Variants in CLK2 observed in about 807,000 individuals in gnomAD.
The protein encoded by CLK2 is CDC like kinase 2.
CLK2 carries 12 observed loss-of-function variants against 73.5 expected under a neutral mutation model. The observed-to-expected ratio is 0.16, with a 90% CI of 0.10 to 0.26. The LOEUF (loss-of-function observed/expected upper bound fraction) is 0.26, where lower values mean the gene tolerates loss of function less well. Among genes scored for constraint, CLK2 ranks in the 10% least tolerant of loss-of-function variants. The pLI, the probability that CLK2 is intolerant of heterozygous loss-of-function variation, is 1.00. For synonymous variants in CLK2, 232 were observed against 237.9 expected (o/e 0.98, Z 0.23); for missense variants, 509 against 688.4 (o/e 0.74, Z 2.92).
chr1:155,264,057 G>C lies in CLK2; in HGVS notation c.1227-17C>G, dbSNP rs200371126. 8.1e-6 allele frequency: 13 copies of C among 1,606,756 alleles called. No homozygotes were observed. In the East Asian group the frequency reaches 2.7e-4, roughly 33 times the overall value. On this transcript the variant is annotated splice_polypyrimidine_tract_variant and intron_variant, in intron 11 of 12. Coordinates refer to ENST00000368361, the MANE Select transcript of CLK2 (RefSeq NM_001294338.2). Reference sequence around the variant, plus strand: ...TTCTGCTTTCTAGAGGGGAAGGGGAGGTTGAGGAATCAGAAGGTCACCCTT... The same window carrying C: ...TTCTGCTTTCTAGAGGGGAAGGGGACGTTGAGGAATCAGAAGGTCACCCTT...
At position 155,264,556 on chromosome 1, in the gene CLK2, T is replaced by C. The variant is rs751618842; in HGVS notation, c.1064-6A>G. The C allele has an allele frequency of 4.3e-6, 7 of 1,614,186 alleles. No individual in the cohort carries two copies. The East Asian group carries it at 1.6e-4, about 36-fold the overall frequency. ...AGGCTGTGACCAGCCCAACTCTGGG[T>C]GAGAATGGGAGGGAAAAGGTGTTAT... is the stretch of plus-strand genomic sequence containing the variant. On this transcript the variant is annotated splice_polypyrimidine_tract_variant and splice_region_variant and intron_variant, in intron 9 of 12. Coordinates refer to ENST00000368361, the MANE Select transcript of CLK2 (RefSeq NM_001294338.2).
Position 155,270,833 on chromosome 1 carries a change from C to T in CLK2, c.145G>A (p.Asp49Asn), listed in dbSNP as rs753573218. 3 of 1,611,836 alleles carry T rather than the reference C, an allele frequency of 1.9e-6. No homozygotes were observed. The highest frequency in any genetic ancestry group is 2.5e-6 in the Non-Finnish European group (3 of 1,178,130). Residue 49 changes from aspartate to asparagine, a missense_variant, in exon 2 of 13, where the codon GAC becomes AAC. Around this residue, in one of 6 missense-constraint regions of CLK2, gnomAD observed 222 missense variants for 221.7 expected, o/e 1.00. Coordinates refer to ENST00000368361, the MANE Select transcript of CLK2 (RefSeq NM_001294338.2). ...CTTCGAGAACGGACATGGTAGCTGT[C>T]CTCTCGCCGACGCCGTCGTGTCCGG... ...SDRTRRRRREDSYHVRSRSSY... is the reference protein window; with the variant it reads ...SDRTRRRRRENSYHVRSRSSY...
chr1:155,266,419 T>C (rs1673235401), intron 7 of CLK2, among the ~76,000 whole-genome samples: 1 of 152,164 alleles, frequency 6.6e-6, no homozygotes, highest in South Asian at 2.1e-4. Context: ...TTTGTCTCTT[T>C]ATGTTTGCTG....
At chr1:155,273,091 C>T (rs1302424361) in intron 1 of CLK2, 110 bp downstream of exon 1, 1 of 152,276 alleles carries the variant, frequency 6.6e-6, no homozygotes, top group Non-Finnish European at 1.5e-5. Flanking sequence ...TAGGTCTCAA[C>T]TCTCCTCCTC....
chr1:155,264,930 C>T (rs967812758), intron 8 of CLK2, among the ~76,000 whole-genome samples, 156 bp from the exon 9 acceptor site: 3 of 152,172 alleles, frequency 2.0e-5, no homozygotes, highest in Non-Finnish European at 4.4e-5. Context: ...TCCACCACAT[C>T]CAGCATAATA....
chr1:155,272,086 G>A (rs1029513022), intron 1 of CLK2, among the ~76,000 whole-genome samples: 2 of 148,686 alleles, frequency 1.3e-5, no homozygotes, highest in African/African-American at 5.0e-5. Context: ...GCGCAATCTC[G>A]GCTCACCATA....
At chr1:155,271,897 A>G (rs1673526120) in intron 1 of CLK2, among the ~76,000 whole-genome samples, 1 of 151,822 alleles carries the variant, frequency 6.6e-6, no homozygotes, top group African/African-American at 2.4e-5. Context: ...ATCATCTCTC[A>G]CATCTTTGGC....
Position 155,267,877 on chromosome 1 carries a change from C to G in CLK2, c.671+133G>C, listed in dbSNP as rs895575232. ...TTTCCTACCCTGATGTTCTACTACT[C>G]TAAGATGATGAACAAAAGATGAATG... is the stretch of plus-strand genomic sequence containing the variant. On this transcript the variant is annotated intron_variant, in intron 6 of 12. Coordinates refer to ENST00000368361, the MANE Select transcript of CLK2 (RefSeq NM_001294338.2). The G allele has an allele frequency of 4.0e-5, 28 of 701,380 alleles. No individual in the cohort carries two copies. In the Middle Eastern group the frequency reaches 1.0e-3, roughly 26 times the overall value. The allele number at this position is 701,380 out of a possible 1,614,324, so 43.4% of individuals were successfully genotyped here.
rs1320951686 is a variant in CLK2, at chr1:155,263,938, A to T, written c.1317+12T>A. 6.2e-7 allele frequency: 1 copy of T among 1,612,888 alleles called. No homozygotes were observed. The highest frequency in any genetic ancestry group is 8.5e-7 in the Non-Finnish European group (1 of 1,178,924). ...TGGACGGTGGGCACTATTTATCCCGAGCCCAGCTCACCCGCAGCGGTTTGC... is the reference window on the plus strand; with the variant it reads ...TGGACGGTGGGCACTATTTATCCCGTGCCCAGCTCACCCGCAGCGGTTTGC... On this transcript the variant is annotated intron_variant, in intron 12 of 12. Coordinates refer to ENST00000368361, the MANE Select transcript of CLK2 (RefSeq NM_001294338.2).
At chr1:155,264,600 C>T in intron 9 of CLK2, 45 bp downstream of exon 9, 4 of 1,614,206 alleles carry the variant, frequency 2.5e-6, no homozygotes, top group Non-Finnish European at 3.4e-6. Flanking sequence ...GGTGGCCCCA[C>T]CCTCACATCA....
At chr1:155,267,281 C>T (rs1447422063) in intron 6 of CLK2, among the ~76,000 whole-genome samples, 2 of 151,974 alleles carry the variant, frequency 1.3e-5, no homozygotes, top group Admixed American at 6.6e-5. Context: ...TTAGTACAGA[C>T]GGGGTTTCAC....
chr1:155,269,378 C>T, intron 3 of CLK2, 110 bp downstream of exon 3: 1 of 948,470 alleles, frequency 1.1e-6, no homozygotes, highest in Non-Finnish European at 1.6e-6. Flanking sequence ...GTGCCCACCT[C>T]AGTGTTCATG....
Position 155,270,916 on chromosome 1 carries a change from T to C in CLK2, c.62A>G (p.His21Arg), listed in dbSNP as rs780028946. The change falls in exon 2 of 13, where the codon CAC becomes CGC. Residue 21 changes from histidine (H) to arginine (R), a missense_variant. By Grantham distance (29) the His-to-Arg change is conservative (BLOSUM62 0). Coordinates refer to ENST00000368361, the MANE Select transcript of CLK2 (RefSeq NM_001294338.2). ...TCGCTTATGCTTTCGGCTCCGATAGTGTTCACGGTAACTCCCCCGGCTGCC... is the reference window on the plus strand; with the variant it reads ...TCGCTTATGCTTTCGGCTCCGATAGCGTTCACGGTAACTCCCCCGGCTGCC... ...ERGSRGSYRE[H>R]YRSRKHKRRR... The C allele has an allele frequency of 1.5e-5, 25 of 1,614,042 alleles. No homozygotes were observed. Among genetic ancestry groups the C allele is most frequent in the Admixed American group, 1.3e-4 (8 of 59,994 alleles).
rs374297704 is a variant in CLK2, at chr1:155,264,052, G to A, written c.1227-12C>T. The A allele has an allele frequency of 6.2e-6, 10 of 1,610,530 alleles. No individual in the cohort carries two copies. The highest frequency in any genetic ancestry group is 8.5e-6 in the Non-Finnish European group (10 of 1,176,750). The stretch of plus-strand genomic sequence containing the variant: ...AATATTTCTGCTTTCTAGAGGGGAA[G>A]GGGAGGTTGAGGAATCAGAAGGTCA... On this transcript the variant is annotated splice_polypyrimidine_tract_variant and intron_variant, in intron 11 of 12. Coordinates refer to ENST00000368361, the MANE Select transcript of CLK2 (RefSeq NM_001294338.2).
At position 155,270,880 on chromosome 1, in the gene CLK2, C is replaced by T. The variant is rs760329747; in HGVS notation, c.98G>A (p.Arg33His). 22 of 1,614,182 alleles carry T rather than the reference C, an allele frequency of 1.4e-5. No individual in the cohort carries two copies. The highest frequency in any genetic ancestry group is 1.8e-5 in the Non-Finnish European group (21 of 1,180,038). Residue 33 changes from arginine to histidine, a missense_variant, in exon 2 of 13, where the codon CGC (arginine) becomes CAC (histidine). Arg to His is a conservative substitution (Grantham distance 29). Transcript: ENST00000368361. ...CCGGTCACTACTACTTGACCAGGAGCGACTTCTTCGTCGCTTATGCTTTCG... is the reference window on the plus strand; with the variant it reads ...CCGGTCACTACTACTTGACCAGGAGTGACTTCTTCGTCGCTTATGCTTTCG... ...RSRKHKRRRS[R>H]SWSSSSDRTR...
intron 8 of CLK2, among the ~76,000 whole-genome samples, chr1:155,265,609 C>G (rs573177018): frequency 7.9e-4 from 75 of 94,840 alleles, no homozygotes; most frequent in African/African-American, 3.8e-3. Flanking sequence ...AAATAAAGTC[C>G]AAACCAAGAA....
In CLK2 at chr1:155,268,735, G is replaced by C; in HGVS notation, c.460C>G (p.His154Asp). The change falls in exon 4 of 13, where the codon CAC becomes GAC. Residue 154 changes from histidine (H) to aspartate (D), a missense_variant. Transcript: ENST00000368361. This position sits in a 1 kb window ranked among gnomAD's most constrained non-coding sequence, Gnocchi z 5.6. ...CGCTCTTGTAGCCAGTCCCCGACGT[G>C]GTAGATGAGGTGGCCCTCAGCGTCG... ...EDDAEGHLIY[H>D]VGDWLQERYE... 6.2e-7 allele frequency: 1 copy of C among 1,613,936 alleles called. No individual in the cohort carries two copies. The highest frequency in any genetic ancestry group is 8.5e-7 in the Non-Finnish European group (1 of 1,179,962).
In CLK2 at chr1:155,268,452, T is replaced by C; in HGVS notation, c.488-93A>G. The C allele has an allele frequency of 9.7e-7, 1 of 1,026,872 alleles. No homozygotes were observed. The highest frequency in any genetic ancestry group is 1.5e-6 in the Non-Finnish European group (1 of 656,546). 63.6% of individuals were successfully genotyped at this position (1,026,872 alleles called of 1,614,324 possible). A position where few individuals can be genotyped will look rare whatever the true frequency, so the allele number is the denominator to read the frequency against. On this transcript the variant is annotated intron_variant, in intron 4 of 12. Transcript: ENST00000368361. The surrounding 1 kb of genome is among the most constrained non-coding windows in gnomAD (Gnocchi z 5.6). ...GAAAAAAGGGGACAGCAACCTGGGG[T>C]GGAGATGAAGGAAGGGGAACAGATA...
In CLK2 at chr1:155,268,165, G is replaced by T. The variant is rs202083230; in HGVS notation, c.555-39C>A. On this transcript the variant is annotated intron_variant, in intron 5 of 12. Transcript: ENST00000368361. The surrounding 1 kb of genome is among the most constrained non-coding windows in gnomAD (Gnocchi z 5.6). ...GGAGAGGCTTTTGCTGGGTTCTCAA[G>T]AATGTCTCAAAATGAACAGGGCTGT... 5 of 1,590,366 alleles carry T rather than the reference G, an allele frequency of 3.1e-6. No individual in the cohort carries two copies. The African/African-American group carries it at 5.4e-5, about 17-fold the overall frequency.
Sources: allele counts gnomAD v4.1 joint callset (sites outside exome capture counted in the v4.1 genomes callset), GRCh38; gene constraint gnomAD v4.1.1; regional missense constraint gnomAD v4.1.1; non-coding constraint Gnocchi (gnomAD v3.1); transcripts MANE v1.5; gene names NCBI Gene and HGNC (gene_info 2026-07-23, HGNC 2026-07-21).